UBE2E2: variants seen among roughly 807,000 people sequenced by gnomAD.
UBE2E2 encodes ubiquitin conjugating enzyme E2 E2.
Under a neutral mutation model 24.7 loss-of-function variants are expected in UBE2E2, and 6 were observed. The observed-to-expected ratio is 0.24, with a 90% CI of 0.13 to 0.48. The LOEUF is 0.48. Among genes scored for constraint, UBE2E2 ranks in the 20% least tolerant of loss-of-function variants. UBE2E2 has a pLI of 0.99. For missense variants in UBE2E2, 169 were observed against 245.0 expected (o/e 0.69, Z 2.07); for synonymous variants, 104 against 83.6 (o/e 1.24, Z -1.33).
At chr3:23,291,920 A>G (rs564874659) in intron 3 of UBE2E2, among the ~76,000 whole-genome samples, 29 of 130,484 alleles carry the variant, frequency 2.2e-4, no homozygotes, top group South Asian at 5.1e-4. Context: ...GTGCAGTGGC[A>G]CGATCTCGGC....
At chr3:23,254,398 G>A (rs996420378) in intron 3 of UBE2E2, among the ~76,000 whole-genome samples, 5 of 152,166 alleles carry the variant, frequency 3.3e-5, no homozygotes, top group Non-Finnish European at 4.4e-5. Context: ...GGAAGTGTGC[G>A]TAGGTATTTG....
At position 23,343,314 on chromosome 3, in the gene UBE2E2, G is replaced by A. The variant is rs144100038; in HGVS notation, c.227+126002G>A. Among the ~76,000 whole-genome samples the A allele has an allele frequency of 4.9e-3, 742 of 152,120 alleles. 6 individuals carry two copies. The highest frequency in any genetic ancestry group is 0.013 in the African/African-American group (557 of 41,498). On this transcript the variant is annotated intron_variant, in intron 3 of 5. Coordinates refer to ENST00000396703, the MANE Select transcript of UBE2E2 (RefSeq NM_152653.4). ...TTTCTGGCCAGGAGCAGTGGCTCAC[G>A]CGTGTAATCCCAGTACTTTGGGAGG...
At chr3:23,561,977 A>G (rs535554544) in intron 5 of UBE2E2, among the ~76,000 whole-genome samples, 44 of 152,298 alleles carry the variant, frequency 2.9e-4, no homozygotes, top group Admixed American at 3.9e-4. Context: ...GGCTGAGACA[A>G]TGGGATTTTC....
At chr3:23,347,535 A>C (rs1169067379) in intron 3 of UBE2E2, among the ~76,000 whole-genome samples, 1 of 151,678 alleles carries the variant, frequency 6.6e-6, no homozygotes, top group East Asian at 1.9e-4. Flanking sequence ...GGGGAATATC[A>C]CACACTGGGG....
chr3:23,398,760 C>T (rs909671363), intron 3 of UBE2E2, among the ~76,000 whole-genome samples: 6 of 152,162 alleles, frequency 3.9e-5, no homozygotes, highest in African/African-American at 1.4e-4. Context: ...GGTTTTATAG[C>T]AGTGCCTTCA....
At chr3:23,327,677 G>C (rs559876943) in intron 3 of UBE2E2, among the ~76,000 whole-genome samples, 2 of 152,322 alleles carry the variant, frequency 1.3e-5, no homozygotes, top group Admixed American at 1.3e-4. Context: ...GTGAAGGTAT[G>C]TGACTCGTTC....
At position 23,532,566 on chromosome 3, in the gene UBE2E2, A is replaced by G; in HGVS notation, c.373A>G (p.Thr125Ala). Reference protein sequence around the residue: ...PFKPPKVTFRTRIYHCNINSQ... With the variant: ...PFKPPKVTFRARIYHCNINSQ... ...CATTTTCTTGTAGGTTACCTTCCGA[A>G]CAAGAATCTATCACTGTAATATTAA... Residue 125 changes from threonine to alanine, a missense_variant, in exon 5 of 6, where the codon ACA becomes GCA. Transcript: ENST00000396703. 6.6e-7 allele frequency: 1 copy of G among 1,523,576 alleles called. No individual in the cohort carries two copies. Among genetic ancestry groups the G allele is most frequent in the Non-Finnish European group, 8.9e-7 (1 of 1,117,940 alleles). The allele number at this position is 1,523,576 out of a possible 1,614,324, so 94.4% of individuals were successfully genotyped here.
At chr3:23,254,044 A>G (rs988573684) in intron 3 of UBE2E2, among the ~76,000 whole-genome samples, 1 of 152,228 alleles carries the variant, frequency 6.6e-6, no homozygotes, top group Non-Finnish European at 1.5e-5. Context: ...ACTACACTAA[A>G]AAGAAATGTG....
intron 3 of UBE2E2, among the ~76,000 whole-genome samples, chr3:23,300,384 G>A (rs1575544270): frequency 6.6e-6 from 1 of 152,116 alleles, no homozygotes; most frequent in Non-Finnish European, 1.5e-5. Flanking sequence ...AGCCTTGATG[G>A]TCTTTACAAT....
Position 23,522,892 on chromosome 3 carries a change from G to GA in UBE2E2, c.361-9653dup, listed in dbSNP as rs201844718. 7.1e-4 allele frequency among the ~76,000 whole-genome samples: 107 copies of GA among 149,872 alleles called. 1 individual carries two copies. In the South Asian group the frequency reaches 0.013, roughly 19 times the overall value. On this transcript the variant is annotated intron_variant, in intron 4 of 5. Coordinates refer to ENST00000396703, the MANE Select transcript of UBE2E2 (RefSeq NM_152653.4). ...AAAGCACATGGGACTTCTATAGAAA[G>GA]AAAAAAAAATGCCCACTGAGAATGA...
At chr3:23,468,204 A>G (rs1231487809) in intron 3 of UBE2E2, among the ~76,000 whole-genome samples, 1 of 152,154 alleles carries the variant, frequency 6.6e-6, no homozygotes, top group South Asian at 2.1e-4. Context: ...CTTTCCTGCC[A>G]GTTCTGCATC....
At chr3:23,239,248 A>G (rs570593752) in intron 3 of UBE2E2, among the ~76,000 whole-genome samples, 2 of 152,278 alleles carry the variant, frequency 1.3e-5, no homozygotes, top group South Asian at 4.2e-4. Context: ...ATGCCCTAAG[A>G]AGGACTTCAG....
intron 3 of UBE2E2, among the ~76,000 whole-genome samples, chr3:23,292,090 C>A (rs1241707705): frequency 6.6e-6 from 1 of 151,914 alleles, no homozygotes. Flanking sequence ...GATCTCCTGA[C>A]CTCGTGATTC....
At chr3:23,279,789 C>T (rs1698447529) in intron 3 of UBE2E2, among the ~76,000 whole-genome samples, 1 of 152,204 alleles carries the variant, frequency 6.6e-6, no homozygotes, top group Non-Finnish European at 1.5e-5. Context: ...CTAGAATGAG[C>T]TTCTGCTTAA....
rs532374675 is a variant in UBE2E2 at position 23,504,994 on chromosome 3, C to T, written c.360+5254C>T. Among the ~76,000 whole-genome samples, 12 of 144,180 alleles carry T rather than the reference C, an allele frequency of 8.3e-5. No homozygotes were observed. The South Asian group carries it at 1.6e-3, about 19-fold the overall frequency. The allele number at this position is 144,180 out of a possible 152,430, so 94.6% of individuals were successfully genotyped here. A position where few individuals can be genotyped will look rare whatever the true frequency, so the allele number is the denominator to read the frequency against. The stretch of plus-strand genomic sequence containing the variant: ...CGTGATCATGGCTTACTGCAACCTC[C>T]GCCCAGTCTCAAGCGATCCTTTCAC... On this transcript the variant is annotated intron_variant, in intron 4 of 5. Transcript: ENST00000396703.
chr3:23,495,499 T>C (rs1699581120), intron 3 of UBE2E2, among the ~76,000 whole-genome samples: 3 of 152,052 alleles, frequency 2.0e-5, no homozygotes, highest in Admixed American at 2.0e-4. Flanking sequence ...TAAATGTGTT[T>C]GTGTATGTTA....
intron 5 of UBE2E2, among the ~76,000 whole-genome samples, chr3:23,536,887 T>G (rs1240008414): frequency 2.6e-5 from 4 of 152,228 alleles, no homozygotes; most frequent in Non-Finnish European, 4.4e-5. Context: ...ATACTAACAG[T>G]GTGACATAAG....
intron 3 of UBE2E2, among the ~76,000 whole-genome samples, chr3:23,221,707 G>C (rs981171236): frequency 1.3e-5 from 2 of 151,728 alleles, no homozygotes; most frequent in African/African-American, 4.8e-5. Context: ...CGTGATCTTG[G>C]CTCCCTGCAA....
At chr3:23,449,519 C>G (rs1359793931) in intron 3 of UBE2E2, among the ~76,000 whole-genome samples, 1 of 152,198 alleles carries the variant, frequency 6.6e-6, no homozygotes, top group Non-Finnish European at 1.5e-5. Context: ...TACATTTGCT[C>G]TTTTCACCAC....
Sources: gnomAD v4.1 joint callset for allele counts (sites outside exome capture counted in the v4.1 genomes callset) on GRCh38, gnomAD v4.1.1 for gene constraint, MANE v1.5 for transcripts, NCBI Gene and HGNC (gene_info 2026-07-23, HGNC 2026-07-21) for gene names.